Variants in LSG1 observed in about 807,000 individuals in gnomAD.
LSG1 encodes large 60S subunit nuclear export GTPase 1.
LSG1 carries 55 observed loss-of-function variants against 82.6 expected under a neutral mutation model. That is an observed-to-expected ratio of 0.67 (90% CI 0.54 to 0.83). The LOEUF (loss-of-function observed/expected upper bound fraction) is 0.83, where lower values mean the gene tolerates loss of function less well. Among genes scored for constraint, LSG1 ranks in the 40% least tolerant of loss-of-function variants. The pLI is 0.00. For synonymous variants in LSG1, 272 were observed against 282.5 expected, an observed-to-expected ratio of 0.96 and a Z score of 0.37; for missense variants, 809 against 807.9, an observed-to-expected ratio of 1.00 and a Z score of -0.02.
chr3:194,646,640 C>T (rs113732948), intron 11 of LSG1, among the ~76,000 whole-genome samples: 4,720 of 152,316 alleles, frequency 0.031, 238 homozygotes, highest in African/African-American at 0.11. Context: ...GATGCCTCAG[C>T]CTCCCAAGTA....
At chr3:194,650,108 C>T (rs1219264453) in intron 10 of LSG1, among the ~76,000 whole-genome samples, 1 of 152,062 alleles carries the variant, frequency 6.6e-6, no homozygotes, top group Non-Finnish European at 1.5e-5. Context: ...TTAGTAGAGA[C>T]AGGGTTTCGC....
At chr3:194,659,336 C>G (rs1272310416) in intron 6 of LSG1, among the ~76,000 whole-genome samples, 1 of 152,102 alleles carries the variant, frequency 6.6e-6, no homozygotes, top group Non-Finnish European at 1.5e-5. Flanking sequence ...TTTTGTTATG[C>G]ACCAGTGGGT....
intron 8 of LSG1, 70 bp downstream of exon 8, chr3:194,652,659 G>A (rs778407517): frequency 2.7e-5 from 41 of 1,523,132 alleles, no homozygotes; most frequent in Admixed American, 7.4e-5. Context: ...CTTTGGGGTC[G>A]TGCAGCTACT....
chr3:194,646,504 C>A (rs1718557286), intron 11 of LSG1: 2 of 311,296 alleles, frequency 6.4e-6, no homozygotes, highest in South Asian at 1.4e-4. Context: ...CCAGTTATTT[C>A]TTCTCTTTAT....
rs757855942 is a variant in LSG1, at chr3:194,641,975, T to G, written c.*93A>C. 1.0e-4 allele frequency: 143 copies of G among 1,380,370 alleles called. No individual in the cohort carries two copies. Among genetic ancestry groups the G allele is most frequent in the Non-Finnish European group, 1.4e-4 (142 of 997,774 alleles). The allele number at this position is 1,380,370 out of a possible 1,614,324, so 85.5% of individuals were successfully genotyped here. On this transcript the variant is annotated 3_prime_UTR_variant, in exon 14 of 14. Coordinates refer to ENST00000265245, the MANE Select transcript of LSG1 (RefSeq NM_018385.3). ...TGCAAGAGCAGGGCCCGTTCTACAG[T>G]GCTAGTGTCTTGGGACGGTTCCACA... is the stretch of plus-strand genomic sequence containing the variant.
In LSG1 at chr3:194,644,675, G is replaced by C. The variant is rs753971881; in HGVS notation, c.1695C>G (p.Leu565=). The C allele has an allele frequency of 1.6e-5, 26 of 1,610,414 alleles. No individual in the cohort carries two copies. Among genetic ancestry groups the C allele is most frequent in the Non-Finnish European group, 2.0e-5 (23 of 1,178,068 alleles). ...CATCACTGTTCATTTTGTTCTCTAG[G>C]AGTCGCTGGTGTTGATGCTGAAAAG... is the stretch of plus-strand genomic sequence containing the variant. The part of the protein sequence containing the change: ...PVTFQHQHQR[L]LENKMNSDEI... The change falls in exon 13 of 14, where the codon CTC becomes CTG. Residue 565 remains leucine, a synonymous_variant. Coordinates refer to ENST00000265245, the MANE Select transcript of LSG1 (RefSeq NM_018385.3).
rs1300583186 is a variant in LSG1, at chr3:194,652,821, T to C, written c.1081A>G (p.Ser361Gly). Residue 361 changes from serine (S) to glycine (G), a missense_variant, in exon 8 of 14, where the codon AGC becomes GGC. Physicochemically the swap from Ser to Gly is moderately conservative, Grantham distance 56. Coordinates refer to ENST00000265245, the MANE Select transcript of LSG1 (RefSeq NM_018385.3). The part of the protein sequence containing the change: ...TPQKRQIHNF[S>G]HLVSKQELLE... ...AACTCCTGCTTGGATACCAGATGGC[T>C]AAAATTGTGTATCTGCCTCTTCTGT... is the stretch of plus-strand genomic sequence containing the variant. 2 of 1,614,122 alleles carry C rather than the reference T, an allele frequency of 1.2e-6. No homozygotes were observed. Among genetic ancestry groups the C allele is most frequent in the South Asian group, 2.2e-5 (2 of 91,070 alleles).
chr3:194,648,872 C>G (rs1244734346), intron 10 of LSG1, 68 bp from the exon 11 acceptor site: 4 of 1,559,302 alleles, frequency 2.6e-6, no homozygotes, highest in Middle Eastern at 3.4e-4. Context: ...AATCGTGCCT[C>G]AAAGAACATG....
intron 5 of LSG1, among the ~76,000 whole-genome samples, chr3:194,661,564 C>G (rs756504250): frequency 6.6e-6 from 1 of 152,196 alleles, no homozygotes; most frequent in Non-Finnish European, 1.5e-5. Flanking sequence ...CTCAGTGCCT[C>G]TGCGGTTTCC....
intron 13 of LSG1, 138 bp from the exon 14 acceptor site, chr3:194,642,385 G>A (rs1718417280): frequency 1.7e-6 from 1 of 584,612 alleles, no homozygotes; most frequent in East Asian, 3.1e-5. Flanking sequence ...CCCCTTCACT[G>A]GTCCTCTTTC....
rs1273025546 is a variant in LSG1, at chr3:194,641,980, G to A, written c.*88C>T. The A allele has an allele frequency of 3.5e-6, 5 of 1,421,284 alleles. No homozygotes were observed. Among genetic ancestry groups the A allele is most frequent in the Non-Finnish European group, 4.8e-6 (5 of 1,034,522 alleles). 88.0% of individuals were successfully genotyped at this position (1,421,284 alleles called of 1,614,324 possible). ...GAGCAGGGCCCGTTCTACAGTGCTAGTGTCTTGGGACGGTTCCACAGGCAA... is the reference window on the plus strand; with the variant it reads ...GAGCAGGGCCCGTTCTACAGTGCTAATGTCTTGGGACGGTTCCACAGGCAA... On this transcript the variant is annotated 3_prime_UTR_variant, in exon 14 of 14. Transcript: ENST00000265245.
At chr3:194,647,305 A>G (rs7651421) in intron 11 of LSG1, among the ~76,000 whole-genome samples, 8 of 152,320 alleles carry the variant, frequency 5.3e-5, no homozygotes, top group African/African-American at 1.9e-4. Context: ...AGAAACCATA[A>G]ATTAACATTG....
At chr3:194,646,744 C>T (rs1320401201) in intron 11 of LSG1, among the ~76,000 whole-genome samples, 1 of 152,204 alleles carries the variant, frequency 6.6e-6, no homozygotes, top group Non-Finnish European at 1.5e-5. Flanking sequence ...TGGTCTTGAA[C>T]TCCTGACCTC....
At chr3:194,645,024 C>T (rs927070002) in intron 12 of LSG1, 10 of 275,334 alleles carry the variant, frequency 3.6e-5, no homozygotes, top group African/African-American at 1.3e-4. Flanking sequence ...CTTCAGTATA[C>T]GGACATGATC....
chr3:194,644,690 A>G lies in LSG1; in HGVS notation c.1680T>C (p.His560=). ...PPGRDPVTFQ[H]QHQRLLENKM... ...TGTTCTCTAGGAGTCGCTGGTGTTGATGCTGAAAAGTTACAGGATCTCTTC... is the reference window on the plus strand; with the variant it reads ...TGTTCTCTAGGAGTCGCTGGTGTTGGTGCTGAAAAGTTACAGGATCTCTTC... Residue 560 remains histidine, a synonymous_variant, in exon 13 of 14, where the codon CAT becomes CAC. Transcript: ENST00000265245. 1.9e-6 allele frequency: 3 copies of G among 1,610,208 alleles called. No individual in the cohort carries two copies. Among genetic ancestry groups the G allele is most frequent in the South Asian group, 1.1e-5 (1 of 90,312 alleles).
At chr3:194,644,775 G>A in intron 12 of LSG1, 29 bp from the exon 13 acceptor site, 1 of 1,573,324 alleles carries the variant, frequency 6.4e-7, no homozygotes, top group South Asian at 1.2e-5. Flanking sequence ...TGACAACAGT[G>A]CAGCCTAAGT....
At chr3:194,643,523 TA>T (rs1718442561) in intron 13 of LSG1, among the ~76,000 whole-genome samples, 1 of 151,976 alleles carries the variant, frequency 6.6e-6, no homozygotes, top group South Asian at 2.1e-4. Flanking sequence ...TTAGGATGGC[TA>T]AAATAAAAAA....
intron 11 of LSG1, among the ~76,000 whole-genome samples, chr3:194,647,630 A>AATGCTTTAGATGAG (rs1718580308): frequency 6.6e-6 from 1 of 152,248 alleles, no homozygotes; most frequent in African/African-American, 2.4e-5. Flanking sequence ...TAGATGAAAC[A>AATGCTTTAGATGAG]TCTTAAAAGA....
intron 2 of LSG1, among the ~76,000 whole-genome samples, chr3:194,669,449 C>T (rs1289329708): frequency 2.0e-5 from 3 of 152,188 alleles, no homozygotes; most frequent in South Asian, 2.1e-4. Context: ...AACCTTTGTT[C>T]TCTCCAGAAT....
Sources: gnomAD v4.1 joint callset for allele counts (sites outside exome capture counted in the v4.1 genomes callset) on GRCh38, gnomAD v4.1.1 for gene constraint, MANE v1.5 for transcripts, NCBI Gene and HGNC (gene_info 2026-07-23, HGNC 2026-07-21) for gene names.